The following CCDC192 variants were observed in gnomAD, a reference collection of about 807,000 sequenced individuals.
CCDC192 encodes the protein coiled-coil domain-containing protein 192.
At chr5:127,937,756 C>T (rs544790641) in intron 6 of CCDC192, among the ~76,000 whole-genome samples, 11 of 152,326 alleles carry the variant, frequency 7.2e-5, no homozygotes, top group South Asian at 4.1e-4. Context: ...TATGCAATGC[C>T]GCTTCGCCGC....
chr5:127,715,136 C>A (rs1187290880), intron 2 of CCDC192, among the ~76,000 whole-genome samples: 2 of 151,926 alleles, frequency 1.3e-5, no homozygotes, highest in East Asian at 3.9e-4. Flanking sequence ...TGATGTAATC[C>A]CATTTGTCTA....
At chr5:127,822,957 G>C (rs1749363062) in intron 5 of CCDC192, among the ~76,000 whole-genome samples, 2 of 152,092 alleles carry the variant, frequency 1.3e-5, no homozygotes, top group African/African-American at 4.8e-5. Flanking sequence ...TTAAGACAAG[G>C]TTTCCAGGGA....
chr5:127,929,653 C>T (rs1358365986), intron 6 of CCDC192, among the ~76,000 whole-genome samples: 1 of 152,132 alleles, frequency 6.6e-6, no homozygotes, highest in Non-Finnish European at 1.5e-5. Context: ...TCCTTTATCC[C>T]ATCTTTCTCA....
At chr5:127,774,992 G>A (rs1211862849) in intron 3 of CCDC192, among the ~76,000 whole-genome samples, 3 of 152,070 alleles carry the variant, frequency 2.0e-5, no homozygotes, top group African/African-American at 7.2e-5. Context: ...TTATTCCTAA[G>A]TAGTTTATTC....
intron 5 of CCDC192, among the ~76,000 whole-genome samples, chr5:127,801,370 A>T (rs1453244517): frequency 6.6e-6 from 1 of 151,918 alleles, no homozygotes; most frequent in African/African-American, 2.4e-5. Flanking sequence ...TCCTTAATGT[A>T]ACACCTGTGG....
intron 6 of CCDC192, among the ~76,000 whole-genome samples, chr5:127,911,758 A>C (rs1368862915): frequency 1.4e-5 from 2 of 145,200 alleles, no homozygotes; most frequent in Non-Finnish European, 3.0e-5. Context: ...CTAGGCTGGA[A>C]TGCAGTGGTG....
At chr5:127,709,381 C>T (rs1751191611) in intron 2 of CCDC192, among the ~76,000 whole-genome samples, 1 of 152,164 alleles carries the variant, frequency 6.6e-6, no homozygotes, top group Admixed American at 6.5e-5. Flanking sequence ...CACCTTCCAC[C>T]AGGCGTCCTC....
At chr5:127,719,835 G>GGC (rs1027317426) in intron 2 of CCDC192, among the ~76,000 whole-genome samples, 2 of 134,668 alleles carry the variant, frequency 1.5e-5, no homozygotes, top group Middle Eastern at 3.6e-3. Context: ...AGGAAGGGGC[G>GGC]GGGGAGGTGA....
At chr5:127,919,845 A>C (rs1035038804) in intron 6 of CCDC192, among the ~76,000 whole-genome samples, 4 of 151,986 alleles carry the variant, frequency 2.6e-5, no homozygotes, top group Admixed American at 2.6e-4. Flanking sequence ...CTGTCCCTCT[A>C]TCTGCTCTGT....
intron 6 of CCDC192, among the ~76,000 whole-genome samples, chr5:127,939,694 T>C (rs1329094394): frequency 6.6e-6 from 1 of 151,846 alleles, no homozygotes; most frequent in African/African-American, 2.4e-5. Flanking sequence ...TATGTTTTTT[T>C]TTTTTTTTGC....
intron 3 of CCDC192, 119 bp downstream of exon 3, chr5:127,754,494 T>TA (rs1754453126): frequency 3.5e-6 from 1 of 285,842 alleles, no homozygotes; most frequent in Non-Finnish European, 6.1e-6. Flanking sequence ...CACACACACA[T>TA]ACACACACAC....
chr5:127,886,463 C>A (rs950792255), intron 6 of CCDC192, among the ~76,000 whole-genome samples: 2 of 152,094 alleles, frequency 1.3e-5, no homozygotes, highest in Admixed American at 1.3e-4. Flanking sequence ...CCTCTGCCAC[C>A]CCTGAGATGA....
chr5:127,747,497 A>G (rs1213197143), intron 2 of CCDC192, among the ~76,000 whole-genome samples: 13 of 152,084 alleles, frequency 8.5e-5, no homozygotes, highest in Admixed American at 5.9e-4. Flanking sequence ...TTCTTAATCC[A>G]GTCTGTCATT....
At chr5:127,823,293 C>A (rs185274191) in intron 5 of CCDC192, among the ~76,000 whole-genome samples, 9 of 152,166 alleles carry the variant, frequency 5.9e-5, no homozygotes, top group Non-Finnish European at 1.2e-4. Context: ...GTTTACAACT[C>A]GCCTCTTTCC....
chr5:127,853,261 G>C (rs189169775), intron 5 of CCDC192, among the ~76,000 whole-genome samples: 152 of 152,224 alleles, frequency 1.0e-3, no homozygotes, highest in Non-Finnish European at 1.8e-3. Context: ...CCCAGAATGG[G>C]ATCCTCAGTA....
intron 5 of CCDC192, among the ~76,000 whole-genome samples, chr5:127,830,539 A>G (rs1381773544): frequency 6.6e-6 from 1 of 152,138 alleles, no homozygotes; most frequent in Non-Finnish European, 1.5e-5. Context: ...TCCTCTTCTT[A>G]CAAGGACACC....
At chr5:127,739,519 CT>C in intron 2 of CCDC192, 1 of 161,868 alleles carries the variant, frequency 6.2e-6, no homozygotes, top group Non-Finnish European at 1.3e-5. Flanking sequence ...GTGGGCGCCC[CT>C]CCCCCAGCCT....
intron 5 of CCDC192, among the ~76,000 whole-genome samples, chr5:127,807,704 C>T (rs1320380181): frequency 6.6e-6 from 1 of 152,092 alleles, no homozygotes; most frequent in African/African-American, 2.4e-5. Context: ...CCATTTCAAC[C>T]AGAGAGCTCT....
At position 127,754,680 on chromosome 5, in the gene CCDC192, TTAAC is replaced by T. The variant is rs139414842; in HGVS notation, c.222+309_222+312del. Among the ~76,000 whole-genome samples the T allele has an allele frequency of 9.5e-3, 1,446 of 152,324 alleles. 22 individuals are homozygous for T. The highest frequency in any genetic ancestry group is 0.032 in the African/African-American group (1,348 of 41,570). The stretch of plus-strand genomic sequence containing the variant: ...AGGCCATGAGTTAGGCAAACCTTCT[TTAAC>T]TAAGTGATCTTCCTGAATAAGCAAA... On this transcript the variant is annotated intron_variant, in intron 3 of 6. Transcript: ENST00000514853.
Sources: gnomAD v4.1 joint callset for allele counts (sites outside exome capture counted in the v4.1 genomes callset) on GRCh38, gnomAD v4.1.1 for gene constraint, MANE v1.5 for transcripts, NCBI Gene and HGNC (gene_info 2026-07-23, HGNC 2026-07-21) for gene names.